The following PLPP1 variants were observed in gnomAD, a reference collection of about 807,000 sequenced individuals.
PLPP1 encodes lipid phosphate phosphohydrolase 1a.
PLPP1 carries 24 observed loss-of-function variants against 31.2 expected under a neutral mutation model. The observed-to-expected ratio is 0.77, with a 90% CI of 0.56 to 1.08. PLPP1 has a LOEUF of 1.08. PLPP1 is among the 50% of genes least tolerant of loss of function. PLPP1 has a pLI of 0.00. For missense variants in PLPP1, 319 were observed against 342.7 expected, an observed-to-expected ratio of 0.93 and a Z score of 0.55; for synonymous variants, 146 against 126.3, an observed-to-expected ratio of 1.16 and a Z score of -1.05.
At chr5:55,440,853 C>T (rs1487285908) in intron 4 of PLPP1, among the ~76,000 whole-genome samples, 10 of 151,954 alleles carry the variant, frequency 6.6e-5, no homozygotes, top group South Asian at 4.2e-4. Flanking sequence ...AATTATCATA[C>T]GGCACTTAAT....
intron 1 of PLPP1, among the ~76,000 whole-genome samples, chr5:55,523,184 G>A (rs923011509): frequency 6.6e-6 from 1 of 151,646 alleles, no homozygotes; most frequent in Admixed American, 6.6e-5. Context: ...ATTACATCAG[G>A]GTAAATGGGG....
In PLPP1 at chr5:55,534,780, G is replaced by T; in HGVS notation, c.-151C>A. The T allele has an allele frequency of 1.3e-6, 1 of 786,590 alleles. No homozygotes were observed. The highest frequency in any genetic ancestry group is 1.9e-6 in the Non-Finnish European group (1 of 533,120). The allele number at this position is 786,590 out of a possible 1,614,324, so 48.7% of individuals were successfully genotyped here. A position where few individuals can be genotyped will look rare whatever the true frequency, so the allele number is the denominator to read the frequency against. ...GGAGGAGAGCAGCCGAGGGCGGGCT[G>T]AGACCGGGCGGCGCTCCCACCGCCA... On this transcript the variant is annotated 5_prime_UTR_variant, in exon 1 of 6. Transcript: ENST00000307259.
At chr5:55,476,274 C>T (rs756921722) in intron 1 of PLPP1, among the ~76,000 whole-genome samples, 1 of 151,992 alleles carries the variant, frequency 6.6e-6, no homozygotes, top group Non-Finnish European at 1.5e-5. Flanking sequence ...GCCTCAGCCT[C>T]CCAAAGTGCT....
At chr5:55,518,734 C>T (rs1234833951) in intron 1 of PLPP1, among the ~76,000 whole-genome samples, 2 of 152,210 alleles carry the variant, frequency 1.3e-5, no homozygotes, top group African/African-American at 4.8e-5. Flanking sequence ...ATACCATGTG[C>T]TCCTTGTCTT....
Position 55,425,120 on chromosome 5 carries a change from C to A in PLPP1, c.*86G>T. ...CAGAAGTCTTTAAAGGCTTGTACAC[C>A]AGGAAGAAAGATGCATCCTCTTGCC... On this transcript the variant is annotated 3_prime_UTR_variant, in exon 6 of 6. Coordinates refer to ENST00000307259, the MANE Select transcript of PLPP1 (RefSeq NM_003711.4). The A allele has an allele frequency of 6.7e-7, 1 of 1,490,796 alleles. No homozygotes were observed. The allele number at this position is 1,490,796 out of a possible 1,614,324, so 92.3% of individuals were successfully genotyped here. A position where few individuals can be genotyped will look rare whatever the true frequency, so the allele number is the denominator to read the frequency against.
chr5:55,444,739 T>C (rs1291766775), intron 3 of PLPP1, among the ~76,000 whole-genome samples: 1 of 16,178 alleles, frequency 6.2e-5, no homozygotes, highest in Non-Finnish European at 1.9e-4. Flanking sequence ...AATGGGATTC[T>C]ATTTTGTGTG....
At chr5:55,474,244 G>A (rs1239895586) in intron 2 of PLPP1, among the ~76,000 whole-genome samples, 1 of 151,982 alleles carries the variant, frequency 6.6e-6, no homozygotes, top group Non-Finnish European at 1.5e-5. Context: ...TGATCTGCCT[G>A]CCTCGGCCTC....
At chr5:55,490,636 T>G (rs1016794564) in intron 1 of PLPP1, among the ~76,000 whole-genome samples, 2 of 152,192 alleles carry the variant, frequency 1.3e-5, no homozygotes, top group East Asian at 3.8e-4. Context: ...GATAGCTTAC[T>G]GGGCTTTAAC....
intron 4 of PLPP1, among the ~76,000 whole-genome samples, chr5:55,428,351 C>T (rs1432129000): frequency 1.3e-5 from 2 of 152,164 alleles, no homozygotes; most frequent in African/African-American, 4.8e-5. Flanking sequence ...GGTCAGGGTA[C>T]TCGGTGTAGC....
At chr5:55,430,413 A>AGG (rs1751319945) in intron 4 of PLPP1, among the ~76,000 whole-genome samples, 1 of 152,228 alleles carries the variant, frequency 6.6e-6, no homozygotes, top group South Asian at 2.1e-4. Flanking sequence ...TCCCATCTCC[A>AGG]GCAAATGCTT....
chr5:55,450,010 C>T (rs1751859204), intron 3 of PLPP1, among the ~76,000 whole-genome samples: 1 of 151,998 alleles, frequency 6.6e-6, no homozygotes, highest in Non-Finnish European at 1.5e-5. Context: ...CCTTGAACCA[C>T]CTAGAAAGTG....
At chr5:55,528,634 T>C (rs544779182) in intron 1 of PLPP1, among the ~76,000 whole-genome samples, 2 of 152,242 alleles carry the variant, frequency 1.3e-5, no homozygotes, top group Non-Finnish European at 2.9e-5. Flanking sequence ...ATTCAGGATA[T>C]GGTTTAATAC....
intron 1 of PLPP1, among the ~76,000 whole-genome samples, chr5:55,513,585 G>T (rs1753489756): frequency 6.6e-6 from 1 of 151,840 alleles, no homozygotes; most frequent in Admixed American, 6.6e-5. Context: ...ATTAACTCTT[G>T]AAGAAAGCTG....
chr5:55,446,808 G>A (rs1286426336), intron 3 of PLPP1, among the ~76,000 whole-genome samples: 2 of 152,140 alleles, frequency 1.3e-5, no homozygotes, highest in Admixed American at 6.6e-5. Context: ...TAGCTCCCAC[G>A]GGGAGGATGC....
intron 1 of PLPP1, chr5:55,530,417 A>C (rs528000374): frequency 7.9e-7 from 1 of 1,261,626 alleles, no homozygotes; most frequent in East Asian, 2.3e-5. Context: ...GACACAGGGG[A>C]CACTTATAAG....
chr5:55,468,539 T>A (rs1416078986), intron 2 of PLPP1, among the ~76,000 whole-genome samples: 1 of 152,110 alleles, frequency 6.6e-6, no homozygotes, highest in African/African-American at 2.4e-5. Flanking sequence ...TGGTGGCTCA[T>A]GCCTGTAATC....
intron 3 of PLPP1, among the ~76,000 whole-genome samples, chr5:55,455,567 G>A (rs978856127): frequency 4.6e-5 from 7 of 152,190 alleles, no homozygotes; most frequent in Non-Finnish European, 8.8e-5. Context: ...GCTGTAGTGC[G>A]CTGTGATCGT....
chr5:55,514,868 C>T (rs1436457787), intron 1 of PLPP1, among the ~76,000 whole-genome samples: 1 of 152,146 alleles, frequency 6.6e-6, no homozygotes, highest in Non-Finnish European at 1.5e-5. Context: ...TCCTTTGAGG[C>T]TAAGAGCAAA....
intron 1 of PLPP1, among the ~76,000 whole-genome samples, chr5:55,477,065 T>C (rs1752566408): frequency 6.6e-6 from 1 of 150,684 alleles, no homozygotes; most frequent in South Asian, 2.1e-4. Context: ...AAACTAGAGC[T>C]GACTTTGCTA....
Sources: gnomAD v4.1 joint callset for allele counts (sites outside exome capture counted in the v4.1 genomes callset) on GRCh38, gnomAD v4.1.1 for gene constraint, MANE v1.5 for transcripts, NCBI Gene and HGNC (gene_info 2026-07-23, HGNC 2026-07-21) for gene names.